BRINP2: variants seen among roughly 807,000 people sequenced by gnomAD.
BRINP2 encodes BMP/retinoic acid-inducible neural-specific protein 2.
A neutral mutation model predicts 69.2 loss-of-function variants in BRINP2; 21 were observed. That is an observed-to-expected ratio of 0.30 (90% CI 0.22 to 0.44). The LOEUF is 0.44. BRINP2 is among the 20% of genes least tolerant of loss of function. The probability of loss-of-function intolerance (pLI) is 1.00; values close to 1 mark genes in which losing one functional copy is unlikely to be tolerated. For synonymous variants in BRINP2, 380 were observed against 394.1 expected, an observed-to-expected ratio of 0.96 and a Z score of 0.42; for missense variants, 877 against 986.0, an observed-to-expected ratio of 0.89 and a Z score of 1.48.
At chr1:177,228,435 C>G (rs539162774) in intron 1 of BRINP2, among the ~76,000 whole-genome samples, 17 of 152,280 alleles carry the variant, frequency 1.1e-4, no homozygotes, top group Non-Finnish European at 2.1e-4. Flanking sequence ...AGGTGGTTTT[C>G]TGAACTGGAG....
At chr1:177,229,729 A>G in intron 1 of BRINP2, 72 bp from the exon 2 acceptor site, 2 of 1,141,380 alleles carry the variant, frequency 1.8e-6, no homozygotes, top group South Asian at 1.8e-5. Context: ...GCCCAACCCA[A>G]TTATGTGTGA....
chr1:177,255,197 C>T (rs1170006235), intron 2 of BRINP2, among the ~76,000 whole-genome samples: 1 of 152,212 alleles, frequency 6.6e-6, no homozygotes, highest in Non-Finnish European at 1.5e-5. Flanking sequence ...CAGCTCTTTT[C>T]TGCTAAGCCT....
intron 1 of BRINP2, among the ~76,000 whole-genome samples, chr1:177,228,603 G>T (rs1649771879): frequency 1.3e-5 from 2 of 152,200 alleles, no homozygotes; most frequent in South Asian, 4.1e-4. Context: ...GTCAGAGAAT[G>T]TTCTCAAGCC....
intron 2 of BRINP2, among the ~76,000 whole-genome samples, chr1:177,243,643 A>G (rs939727048): frequency 2.0e-5 from 3 of 152,218 alleles, no homozygotes; most frequent in Non-Finnish European, 2.9e-5. Context: ...GATAGATACA[A>G]TCAAGACAGT....
chr1:177,230,094 A>G lies in BRINP2; in HGVS notation c.218A>G (p.Asp73Gly), dbSNP rs1649821145. The change falls in exon 2 of 8, where the codon GAC becomes GGC. Residue 73 changes from aspartate to glycine, a missense_variant. Physicochemically the swap from Asp to Gly is moderately conservative, Grantham distance 94. Transcript: ENST00000361539. ...TTCCACCGCGCTCAGGAGTATGCTGACTTCATGGAGCGGTACCGCCAGGGT... is the reference window on the plus strand; with the variant it reads ...TTCCACCGCGCTCAGGAGTATGCTGGCTTCATGGAGCGGTACCGCCAGGGT... Reference protein sequence around the residue: ...GPFHRAQEYADFMERYRQGFT... With the variant: ...GPFHRAQEYAGFMERYRQGFT... 1 of 1,613,412 alleles carries G rather than the reference A, an allele frequency of 6.2e-7. No homozygotes were observed. The highest frequency in any genetic ancestry group is 8.5e-7 in the Non-Finnish European group (1 of 1,179,820).
chr1:177,222,198 G>A (rs1649557522), intron 1 of BRINP2, among the ~76,000 whole-genome samples: 1 of 152,224 alleles, frequency 6.6e-6, no homozygotes, highest in Non-Finnish European at 1.5e-5. Context: ...AACTAAGATT[G>A]GATGAGTCTA....
intron 1 of BRINP2, among the ~76,000 whole-genome samples, chr1:177,188,660 T>C (rs2102294880): frequency 6.6e-6 from 1 of 152,336 alleles, no homozygotes; most frequent in Non-Finnish European, 1.5e-5. Flanking sequence ...CTTTGATATC[T>C]ATTTAACTCT....
At chr1:177,231,117 A>G (rs888037820) in intron 2 of BRINP2, among the ~76,000 whole-genome samples, 4 of 152,222 alleles carry the variant, frequency 2.6e-5, no homozygotes, top group Non-Finnish European at 5.9e-5. Context: ...TAGTCATATG[A>G]ACACACTAAT....
Position 177,228,675 on chromosome 1 carries a change from G to C in BRINP2, c.-76-1126G>C, listed in dbSNP as rs368391244. Among the ~76,000 whole-genome samples, 4 of 152,320 alleles carry C rather than the reference G, an allele frequency of 2.6e-5. No homozygotes were observed. The East Asian group carries it at 7.7e-4, about 29-fold the overall frequency. On this transcript the variant is annotated intron_variant, in intron 1 of 7. Coordinates refer to ENST00000361539, the MANE Select transcript of BRINP2 (RefSeq NM_021165.4). ...GCACACACCGAATTGGTGCTGACGA[G>C]GGGAGATGGGCAGATTCTGACAGCA...
At chr1:177,235,614 C>T (rs545639827) in intron 2 of BRINP2, among the ~76,000 whole-genome samples, 1 of 152,262 alleles carries the variant, frequency 6.6e-6, no homozygotes, top group East Asian at 1.9e-4. Flanking sequence ...GATTTATCAT[C>T]CGGACCACGT....
chr1:177,255,995 C>T lies in BRINP2; in HGVS notation c.346C>T (p.Pro116Ser), dbSNP rs746428556. 1 of 1,614,178 alleles carries T rather than the reference C, an allele frequency of 6.2e-7. No homozygotes were observed. The highest frequency in any genetic ancestry group is 8.5e-7 in the Non-Finnish European group (1 of 1,180,030). Residue 116 changes from proline (P) to serine (S), a missense_variant, in exon 3 of 8, where the codon CCA (proline) becomes TCA (serine). Physicochemically the swap from Pro to Ser is moderately conservative, Grantham distance 74. Transcript: ENST00000361539. Reference protein sequence around the residue: ...DFFSLPLPLAPEFIRNIRLLG... With the variant: ...DFFSLPLPLASEFIRNIRLLG... ...CTTCAGTTTGCCATTGCCTCTTGCC[C>T]CAGAGTTTATCCGGAACATTCGCCT...
intron 4 of BRINP2, among the ~76,000 whole-genome samples, 153 bp from the exon 5 acceptor site, chr1:177,273,335 C>G (rs975100673): frequency 6.6e-6 from 1 of 152,166 alleles, no homozygotes; most frequent in African/African-American, 2.4e-5. Flanking sequence ...AAGAAAGTGA[C>G]TTTATACCTC....
intron 1 of BRINP2, among the ~76,000 whole-genome samples, chr1:177,223,131 C>G (rs1649591579): frequency 6.6e-6 from 1 of 152,158 alleles, no homozygotes; most frequent in Non-Finnish European, 1.5e-5. Context: ...GCTCAGGGCT[C>G]TGGGCAAGCC....
chr1:177,206,871 C>T (rs1402231118), intron 1 of BRINP2, among the ~76,000 whole-genome samples: 5 of 152,124 alleles, frequency 3.3e-5, no homozygotes, highest in African/African-American at 7.2e-5. Flanking sequence ...AAGACATCCA[C>T]ATCTAAGACA....
intron 1 of BRINP2, among the ~76,000 whole-genome samples, chr1:177,216,553 C>A (rs537442320): frequency 6.6e-6 from 1 of 152,054 alleles, no homozygotes; most frequent in African/African-American, 2.4e-5. Flanking sequence ...CTAGGCTATT[C>A]CACATTTTGC....
At chr1:177,248,058 C>T (rs1031649206) in intron 2 of BRINP2, among the ~76,000 whole-genome samples, 1 of 152,086 alleles carries the variant, frequency 6.6e-6, no homozygotes, top group South Asian at 2.1e-4. Context: ...GAACATGCTT[C>T]CCCCGCAGAG....
At position 177,276,384 on chromosome 1, in the gene BRINP2, T is replaced by C. The variant is rs771155014; in HGVS notation, c.962T>C (p.Leu321Pro). ...ATCCAGGCCATGGAGGACAGCCTGC[T>C]GCAGATCCAGGACTCCTGGGCCACT... ...ADIQAMEDSLLQIQDSWATHN... is the reference protein window; with the variant it reads ...ADIQAMEDSLPQIQDSWATHN... The change falls in exon 6 of 8, where the codon CTG (leucine) becomes CCG (proline). Residue 321 changes from leucine (L) to proline (P), a missense_variant. Leu to Pro is a moderately conservative substitution (Grantham distance 98). Around this residue, in one of 3 missense-constraint regions of BRINP2, gnomAD observed 566 missense variants for 625.2 expected, o/e 0.91. Coordinates refer to ENST00000361539, the MANE Select transcript of BRINP2 (RefSeq NM_021165.4). 3.1e-6 allele frequency: 5 copies of C among 1,614,200 alleles called. No homozygotes were observed. Among genetic ancestry groups the C allele is most frequent in the Non-Finnish European group, 4.2e-6 (5 of 1,180,036 alleles).
chr1:177,187,162 T>A (rs1648451074), intron 1 of BRINP2, among the ~76,000 whole-genome samples: 2 of 152,164 alleles, frequency 1.3e-5, no homozygotes, highest in South Asian at 4.1e-4. Context: ...TCCCAGTGCC[T>A]TTTCCCCTTC....
intron 2 of BRINP2, among the ~76,000 whole-genome samples, chr1:177,241,915 A>T (rs1231163477): frequency 6.6e-6 from 1 of 152,214 alleles, no homozygotes; most frequent in African/African-American, 2.4e-5. Flanking sequence ...TGTCTAGAGA[A>T]TACAGGTTTC....
Sources: allele counts gnomAD v4.1 joint callset (sites outside exome capture counted in the v4.1 genomes callset), GRCh38; gene constraint gnomAD v4.1.1; regional missense constraint gnomAD v4.1.1; transcripts MANE v1.5; gene names NCBI Gene and HGNC (gene_info 2026-07-23, HGNC 2026-07-21).